Variants in PARP8 observed in about 807,000 individuals in gnomAD.
PARP8 encodes the protein poly(ADP-ribose) polymerase family member 8.
A neutral mutation model predicts 124.1 loss-of-function variants in PARP8; 51 were observed. The observed-to-expected ratio is 0.41, with a 90% CI of 0.33 to 0.52. PARP8 has a LOEUF of 0.52. PARP8 is among the 20% of genes least tolerant of loss of function. The probability of loss-of-function intolerance (pLI) is 0.21; values close to 1 mark genes in which losing one functional copy is unlikely to be tolerated. For missense variants in PARP8, 860 were observed against 1,018.9 expected (o/e 0.84, Z 2.12); for synonymous variants, 391 against 361.5 (o/e 1.08, Z -0.93).
intron 2 of PARP8, among the ~76,000 whole-genome samples, chr5:50,709,727 A>G (rs1366251691): frequency 6.6e-6 from 1 of 151,800 alleles, no homozygotes. Context: ...TGCCAGTGTT[A>G]TTAAGCCCTG....
At chr5:50,692,219 T>C (rs1752567226) in intron 2 of PARP8, among the ~76,000 whole-genome samples, 1 of 152,202 alleles carries the variant, frequency 6.6e-6, no homozygotes, top group Non-Finnish European at 1.5e-5. Flanking sequence ...TGTCATGTCA[T>C]TCAAAAGTGT....
rs79459755 is a variant in PARP8, at chr5:50,837,675, A to T, written c.2462+2660A>T. On this transcript the variant is annotated intron_variant, in intron 25 of 25. Transcript: ENST00000281631. ...ATAAAACAGTCACATAGTATGCTAA[A>T]CACATGTTTTCCAGCAAGTAAGCAG... is the stretch of plus-strand genomic sequence containing the variant. Among the ~76,000 whole-genome samples, 1,135 of 152,198 alleles carry T rather than the reference A, an allele frequency of 7.5e-3. 14 individuals are homozygous for T. The highest frequency in any genetic ancestry group is 0.026 in the African/African-American group (1,067 of 41,530).
Position 50,666,943 on chromosome 5 carries a change from T to A in PARP8, c.-153T>A. On this transcript the variant is annotated 5_prime_UTR_variant, in exon 1 of 26. Coordinates refer to ENST00000281631, the MANE Select transcript of PARP8 (RefSeq NM_024615.4). ...TCCCCCTCCTCCTCCTCCTCTTCTC[T>A]CACCCAGGATCACTTCCGAAACCAC... is the stretch of plus-strand genomic sequence containing the variant. The A allele has an allele frequency of 8.4e-7, 1 of 1,185,374 alleles. No individual in the cohort carries two copies. Among genetic ancestry groups the A allele is most frequent in the Non-Finnish European group, 1.1e-6 (1 of 909,066 alleles). The allele number at this position is 1,185,374 out of a possible 1,614,324, so 73.4% of individuals were successfully genotyped here. A position where few individuals can be genotyped will look rare whatever the true frequency, so the allele number is the denominator to read the frequency against.
intron 14 of PARP8, among the ~76,000 whole-genome samples, chr5:50,798,739 C>A (rs1742850643): frequency 2.0e-5 from 3 of 152,042 alleles, no homozygotes; most frequent in Admixed American, 1.3e-4. Flanking sequence ...CCGCACCCGG[C>A]CGAAGCAGTT....
chr5:50,816,181 G>A (rs1745084765), intron 15 of PARP8, among the ~76,000 whole-genome samples: 1 of 152,034 alleles, frequency 6.6e-6, no homozygotes, highest in Non-Finnish European at 1.5e-5. Flanking sequence ...GCAGATCAAT[G>A]GCAGATTATC....
intron 2 of PARP8, among the ~76,000 whole-genome samples, chr5:50,740,040 C>A (rs1392761657): frequency 6.6e-6 from 1 of 151,970 alleles, no homozygotes. Flanking sequence ...TGAGCTACTG[C>A]GCCCGGCCTG....
At chr5:50,710,160 T>C (rs1754628386) in intron 2 of PARP8, among the ~76,000 whole-genome samples, 1 of 151,856 alleles carries the variant, frequency 6.6e-6, no homozygotes. Flanking sequence ...TTTTATTACA[T>C]CTTTGTGCTC....
chr5:50,822,975 C>T (rs1745932728), intron 17 of PARP8, among the ~76,000 whole-genome samples: 1 of 152,200 alleles, frequency 6.6e-6, no homozygotes, highest in African/African-American at 2.4e-5. Flanking sequence ...TGGAAAAGCA[C>T]ACACTGTTGA....
intron 15 of PARP8, among the ~76,000 whole-genome samples, chr5:50,818,176 G>GCC (rs60341773): frequency 5.9e-4 from 62 of 105,700 alleles, no homozygotes; most frequent in Non-Finnish European, 9.5e-4. Context: ...ATATCATTTA[G>GCC]CCCCCCCCCC....
chr5:50,685,507 T>G lies in PARP8; in HGVS notation c.146+17382T>G, dbSNP rs1751761290. Among the ~76,000 whole-genome samples, 7 of 152,322 alleles carry G rather than the reference T, an allele frequency of 4.6e-5. 1 individual carries two copies. The South Asian group carries it at 1.5e-3, about 32-fold the overall frequency. On this transcript the variant is annotated intron_variant, in intron 2 of 25. Transcript: ENST00000281631. ...TGATATTTTAGGTGTAAATTCCATG[T>G]CCCATCTCTAGAGTCAGGAGTAAAC...
intron 2 of PARP8, among the ~76,000 whole-genome samples, chr5:50,737,505 A>G (rs1757587090): frequency 6.6e-6 from 1 of 152,216 alleles, no homozygotes; most frequent in Admixed American, 6.5e-5. Flanking sequence ...AGCAGCATCC[A>G]TAAAATTCAG....
At chr5:50,801,757 T>C (rs928863699) in intron 14 of PARP8, among the ~76,000 whole-genome samples, 1 of 152,210 alleles carries the variant, frequency 6.6e-6, no homozygotes, top group Non-Finnish European at 1.5e-5. Flanking sequence ...GTTTTTACCT[T>C]CAGTTCTTTC....
intron 2 of PARP8, among the ~76,000 whole-genome samples, chr5:50,726,918 C>A (rs1202124356): frequency 6.6e-6 from 1 of 152,008 alleles, no homozygotes; most frequent in African/African-American, 2.4e-5. Context: ...TATATTAATT[C>A]TTTTTGTGGA....
At chr5:50,725,152 A>G (rs73101028) in intron 2 of PARP8, among the ~76,000 whole-genome samples, 4,348 of 149,630 alleles carry the variant, frequency 0.029, 179 homozygotes, top group African/African-American at 0.091. Flanking sequence ...ATATGTGTGT[A>G]TATATATATA....
At chr5:50,746,855 CT>C (rs1758595665) in intron 2 of PARP8, among the ~76,000 whole-genome samples, 1 of 152,022 alleles carries the variant, frequency 6.6e-6, no homozygotes. Flanking sequence ...AACAAGACCC[CT>C]GTCTCTATCA....
At chr5:50,799,870 TTAC>T (rs1186223309) in intron 14 of PARP8, among the ~76,000 whole-genome samples, 1 of 152,182 alleles carries the variant, frequency 6.6e-6, no homozygotes, top group Admixed American at 6.5e-5. Flanking sequence ...ATTTGTGGCC[TTAC>T]TGTCACTCTG....
intron 2 of PARP8, chr5:50,744,852 C>T: frequency 2.9e-6 from 2 of 683,216 alleles, no homozygotes; most frequent in East Asian, 5.4e-5. Flanking sequence ...TTCACTTTCA[C>T]TTATGCTTCT....
At chr5:50,689,266 C>G (rs1438730230) in intron 2 of PARP8, among the ~76,000 whole-genome samples, 1 of 152,140 alleles carries the variant, frequency 6.6e-6, no homozygotes, top group African/African-American at 2.4e-5. Flanking sequence ...TCTTGGCCAA[C>G]ATGGAAGTTT....
chr5:50,823,475 G>A (rs1745997270), intron 17 of PARP8, among the ~76,000 whole-genome samples: 1 of 152,088 alleles, frequency 6.6e-6, no homozygotes, highest in Non-Finnish European at 1.5e-5. Flanking sequence ...ATCCCTTTGG[G>A]TTATTTTTCT....
Sources: allele counts gnomAD v4.1 joint callset (sites outside exome capture counted in the v4.1 genomes callset), GRCh38; gene constraint gnomAD v4.1.1; transcripts MANE v1.5; gene names NCBI Gene and HGNC (gene_info 2026-07-23, HGNC 2026-07-21).